The following RERE variants were observed in gnomAD, a reference collection of about 807,000 sequenced individuals.
RERE encodes arginine-glutamic acid dipeptide repeats protein.
Under a neutral mutation model 146.1 loss-of-function variants are expected in RERE, and 40 were observed. The ratio of observed to expected loss-of-function variants is 0.27; its 90% confidence interval spans 0.21 to 0.36. The LOEUF (loss-of-function observed/expected upper bound fraction) is 0.36. Ranked by LOEUF, RERE falls within the 10% of genes least tolerant of loss-of-function variation. The pLI, the probability that RERE is intolerant of heterozygous loss-of-function variation, is 1.00. For missense variants in RERE, 1,933 were observed against 2,138.7 expected (o/e 0.90, Z 1.90); for synonymous variants, 1,003 against 866.0 (o/e 1.16, Z -2.78).
At chr1:8,786,045 A>T (rs1363056065) in intron 1 of RERE, among the ~76,000 whole-genome samples, 1 of 152,144 alleles carries the variant, frequency 6.6e-6, no homozygotes, top group Non-Finnish European at 1.5e-5. Flanking sequence ...CCAGGCCCAC[A>T]GCACATCCCC....
chr1:8,446,790 C>A (rs1406523008), intron 11 of RERE, among the ~76,000 whole-genome samples: 1 of 152,118 alleles, frequency 6.6e-6, no homozygotes, highest in Non-Finnish European at 1.5e-5. Flanking sequence ...TCTCCTGCCT[C>A]AGCCTCCCGA....
At chr1:8,597,517 T>G (rs1646569447) in intron 4 of RERE, among the ~76,000 whole-genome samples, 1 of 152,114 alleles carries the variant, frequency 6.6e-6, no homozygotes, top group Admixed American at 6.5e-5. Flanking sequence ...TATATGGGAT[T>G]GGAAAACAGA....
intron 8 of RERE, among the ~76,000 whole-genome samples, chr1:8,498,732 T>TATATACACAC (rs150497092): frequency 3.2e-4 from 34 of 107,834 alleles, no homozygotes; most frequent in East Asian, 1.4e-3. Context: ...AATAAATATA[T>TATATACACAC]ACACACACAC....
chr1:8,553,128 C>T (rs1204632202), intron 6 of RERE, among the ~76,000 whole-genome samples: 1 of 149,944 alleles, frequency 6.7e-6, no homozygotes, highest in Non-Finnish European at 1.5e-5. Context: ...CACAAACAAT[C>T]GTGACACCAC....
chr1:8,471,838 T>A (rs1644690186), intron 10 of RERE, among the ~76,000 whole-genome samples: 1 of 151,748 alleles, frequency 6.6e-6, no homozygotes, highest in African/African-American at 2.4e-5. Context: ...TAAGACAGAG[T>A]CTCACTCTTG....
intron 1 of RERE, among the ~76,000 whole-genome samples, chr1:8,797,702 T>C (rs572895444): frequency 6.6e-6 from 1 of 152,222 alleles, no homozygotes; most frequent in Non-Finnish European, 1.5e-5. Flanking sequence ...GGAAATCAGT[T>C]TCAACTGTAA....
chr1:8,544,963 A>G lies in RERE; in HGVS notation c.726-3645T>C, dbSNP rs564392521. Among the ~76,000 whole-genome samples the G allele has an allele frequency of 1.5e-3, 222 of 152,312 alleles. 11 individuals carry two copies. The South Asian group carries it at 0.046, about 31-fold the overall frequency. ...TTTTACAAATCAACTCGTGATGAAC[A>G]GTGTTTACCTTTAAAAATGTGTGTA... On this transcript the variant is annotated intron_variant, in intron 6 of 22. Transcript: ENST00000400908.
intron 1 of RERE, among the ~76,000 whole-genome samples, chr1:8,742,667 AAAAATTAGCCAGGCATGAAGGCT>A (rs1241986411): frequency 6.6e-5 from 10 of 152,206 alleles, no homozygotes; most frequent in Admixed American, 2.6e-4. Flanking sequence ...CAAAACTTAC[AAAAATTAGCCAGGCATGAAGGCT>A]AAAATTAGCC....
At chr1:8,568,862 T>TCCAG (rs1170911797) in intron 4 of RERE, among the ~76,000 whole-genome samples, 12 of 152,124 alleles carry the variant, frequency 7.9e-5, no homozygotes, top group Admixed American at 6.5e-5. Flanking sequence ...TATCTTTCTA[T>TCCAG]CCAGCCAGCC....
intron 1 of RERE, among the ~76,000 whole-genome samples, chr1:8,815,829 T>TTGTGTG (rs539845789): frequency 0.07 from 10,446 of 149,826 alleles, 435 homozygotes; most frequent in Non-Finnish European, 0.094. Flanking sequence ...CAGCTTGGTA[T>TTGTGTG]TGTGTGTGTG....
At chr1:8,369,508 T>TTAAAAAAAAAAAAAA (rs1285019668) in intron 12 of RERE, among the ~76,000 whole-genome samples, 2 of 76,892 alleles carry the variant, frequency 2.6e-5, no homozygotes, top group Admixed American at 1.7e-4. Context: ...CGCCTTTTAC[T>TTAAAAAAAAAAAAAA]AAAAAAAAAA....
At chr1:8,695,896 T>A (rs1259931134) in intron 1 of RERE, among the ~76,000 whole-genome samples, 2 of 151,998 alleles carry the variant, frequency 1.3e-5, no homozygotes, top group African/African-American at 4.8e-5. Flanking sequence ...AGAAAACAAA[T>A]AACCCCATTA....
At chr1:8,725,321 T>A (rs971780585) in intron 1 of RERE, among the ~76,000 whole-genome samples, 1 of 152,244 alleles carries the variant, frequency 6.6e-6, no homozygotes, top group African/African-American at 2.4e-5. Flanking sequence ...ATCCCAGCAC[T>A]TTGGGAGGCC....
chr1:8,801,053 G>A (rs528886176), intron 1 of RERE, among the ~76,000 whole-genome samples: 70 of 152,232 alleles, frequency 4.6e-4, no homozygotes, highest in African/African-American at 1.6e-3. Flanking sequence ...GAGTCCAGGA[G>A]TTCGAGACCA....
At chr1:8,409,783 G>C (rs1446879936) in intron 12 of RERE, among the ~76,000 whole-genome samples, 2 of 152,120 alleles carry the variant, frequency 1.3e-5, no homozygotes, top group Non-Finnish European at 2.9e-5. Context: ...TATCAGCATG[G>C]ACAAGTTCCT....
At chr1:8,580,347 T>C (rs947400974) in intron 4 of RERE, among the ~76,000 whole-genome samples, 2 of 152,220 alleles carry the variant, frequency 1.3e-5, no homozygotes, top group Non-Finnish European at 2.9e-5. Context: ...AACTGGTCCA[T>C]ATACACTGGA....
chr1:8,747,833 A>G (rs1030725410), intron 1 of RERE, among the ~76,000 whole-genome samples: 5 of 152,096 alleles, frequency 3.3e-5, no homozygotes, highest in South Asian at 2.1e-4. Flanking sequence ...GTACAATGGC[A>G]CAATCTCAGC....
chr1:8,437,895 G>A (rs1400478021), intron 11 of RERE, among the ~76,000 whole-genome samples: 2 of 117,356 alleles, frequency 1.7e-5, no homozygotes, highest in Non-Finnish European at 1.6e-5. Flanking sequence ...TATGTCCCCC[G>A]AAATAGAGTC....
At chr1:8,525,185 T>C (rs1297544238) in intron 7 of RERE, among the ~76,000 whole-genome samples, 1 of 152,238 alleles carries the variant, frequency 6.6e-6, no homozygotes, top group Non-Finnish European at 1.5e-5. Flanking sequence ...TAAGGTGTTA[T>C]TGTTGCAATC....
Sources: allele counts gnomAD v4.1 joint callset (sites outside exome capture counted in the v4.1 genomes callset), GRCh38; gene constraint gnomAD v4.1.1; transcripts MANE v1.5; gene names NCBI Gene and HGNC (gene_info 2026-07-23, HGNC 2026-07-21).